The following HIPK2 variants were observed in gnomAD, a reference collection of about 807,000 sequenced individuals.
HIPK2 encodes the protein homeodomain interacting protein kinase 2.
A neutral mutation model predicts 113.7 loss-of-function variants in HIPK2; 27 were observed. The observed-to-expected ratio is 0.24, with a 90% CI of 0.17 to 0.33. The LOEUF is 0.33. HIPK2 is among the 10% of genes least tolerant of loss of function. The pLI is 1.00. For synonymous variants in HIPK2, 631 were observed against 642.2 expected (o/e 0.98, Z 0.26); for missense variants, 1,257 against 1,588.0 (o/e 0.79, Z 3.54).
At chr7:139,732,078 T>C (rs138592071) in intron 1 of HIPK2, among the ~76,000 whole-genome samples, 1 of 152,162 alleles carries the variant, frequency 6.6e-6, no homozygotes, top group Admixed American at 6.5e-5. Flanking sequence ...AGAAGGCAAG[T>C]GAAATTATAT....
At chr7:139,598,520 A>G (rs1799303440) in intron 11 of HIPK2, among the ~76,000 whole-genome samples, 1 of 152,256 alleles carries the variant, frequency 6.6e-6, no homozygotes, top group Non-Finnish European at 1.5e-5. Flanking sequence ...ATTGTTAAGG[A>G]AAAGTATGCC....
At chr7:139,745,471 C>T (rs186512676) in intron 1 of HIPK2, among the ~76,000 whole-genome samples, 47 of 152,308 alleles carry the variant, frequency 3.1e-4, no homozygotes, top group South Asian at 6.2e-4. Context: ...GAAGCTGAAG[C>T]CGGATTATTT....
chr7:139,623,578 A>T (rs905068640), intron 6 of HIPK2, among the ~76,000 whole-genome samples: 12 of 151,558 alleles, frequency 7.9e-5, no homozygotes, highest in African/African-American at 2.7e-4. Context: ...TAGGGGAGGG[A>T]TGGGTCCAGA....
intron 2 of HIPK2, among the ~76,000 whole-genome samples, chr7:139,633,574 G>A (rs1343631641): frequency 6.6e-6 from 1 of 151,824 alleles, no homozygotes; most frequent in Non-Finnish European, 1.5e-5. Flanking sequence ...CACTTTGGGA[G>A]GGTGAGATGG....
intron 12 of HIPK2, among the ~76,000 whole-genome samples, chr7:139,590,376 T>C (rs975918260): frequency 1.3e-5 from 2 of 152,100 alleles, no homozygotes; most frequent in South Asian, 4.1e-4. Flanking sequence ...AGTAAAGAAA[T>C]CCCTAAAGGA....
In HIPK2 at chr7:139,630,257, T is replaced by G. The variant is rs897027354; in HGVS notation, c.1347+908A>C. Among the ~76,000 whole-genome samples, 8 of 152,176 alleles carry G rather than the reference T, an allele frequency of 5.3e-5. No homozygotes were observed. The highest frequency in any genetic ancestry group is 1.0e-4 in the Non-Finnish European group (7 of 68,018). ...CCGGAGTTTCAGGTTTATGGTTACT[T>G]GTGTGAACCAGACACCTCCCTGGGC... On this transcript the variant is annotated intron_variant, in intron 4 of 14. Coordinates refer to ENST00000406875, the MANE Select transcript of HIPK2 (RefSeq NM_022740.5). This position sits in a 1 kb window ranked among gnomAD's most constrained non-coding sequence, Gnocchi z 4.0.
chr7:139,596,688 C>T (rs779527820), intron 12 of HIPK2, 29 bp downstream of exon 12: 1 of 1,601,746 alleles, frequency 6.2e-7, no homozygotes, highest in South Asian at 1.1e-5. Flanking sequence ...CCGGCTCCTT[C>T]CTGGAAGGCT....
chr7:139,608,186 G>A (rs1280578628), intron 9 of HIPK2, among the ~76,000 whole-genome samples: 2 of 151,848 alleles, frequency 1.3e-5, no homozygotes, highest in Non-Finnish European at 2.9e-5. Context: ...GGAGGTTACA[G>A]TGAGCTGAGA....
In HIPK2 at chr7:139,567,058, A is replaced by G. The variant is rs1798114335; in HGVS notation, c.*5869T>C. ...TCCCTCTAGTGAGCCACGGTGCCAA[A>G]AGCCTCCAATAGGTTTTTTTTGCAT... is the stretch of plus-strand genomic sequence containing the variant. On this transcript the variant is annotated 3_prime_UTR_variant, in exon 15 of 15. Coordinates refer to ENST00000406875, the MANE Select transcript of HIPK2 (RefSeq NM_022740.5). 1 of 152,202 alleles carries G rather than the reference A, an allele frequency of 6.6e-6. No homozygotes were observed. The highest frequency in any genetic ancestry group is 1.5e-5 in the Non-Finnish European group (1 of 68,052). The allele number at this position is 152,202 out of a possible 1,614,324, so 9.4% of individuals were successfully genotyped here.
chr7:139,660,729 C>T (rs948781600), intron 2 of HIPK2, among the ~76,000 whole-genome samples: 2 of 152,200 alleles, frequency 1.3e-5, no homozygotes, highest in Admixed American at 1.3e-4. Flanking sequence ...TGGGAGGCAC[C>T]TCTCACAGAG....
intron 12 of HIPK2, among the ~76,000 whole-genome samples, chr7:139,589,518 G>A (rs375028633): frequency 6.6e-6 from 1 of 152,148 alleles, no homozygotes; most frequent in South Asian, 2.1e-4. Flanking sequence ...ACTCAAATGT[G>A]GAAATTGTGG....
chr7:139,772,222 C>G (rs986329864), intron 1 of HIPK2, among the ~76,000 whole-genome samples: 1 of 152,070 alleles, frequency 6.6e-6, no homozygotes, highest in African/African-American at 2.4e-5. Flanking sequence ...GATCTATATC[C>G]CCACCACCAA....
At chr7:139,698,637 A>C (rs1434291108) in intron 2 of HIPK2, among the ~76,000 whole-genome samples, 4 of 152,230 alleles carry the variant, frequency 2.6e-5, no homozygotes, top group African/African-American at 9.6e-5. Flanking sequence ...AAAAATCCTG[A>C]AATGATTTTC....
At chr7:139,693,478 G>A (rs1270807227) in intron 2 of HIPK2, among the ~76,000 whole-genome samples, 1 of 152,146 alleles carries the variant, frequency 6.6e-6, no homozygotes, top group Non-Finnish European at 1.5e-5. Context: ...GTGTCTGGGG[G>A]TCAGACACAC....
Position 139,614,385 on chromosome 7 carries a change from C to T in HIPK2, c.1891G>A (p.Ala631Thr). The change falls in exon 8 of 15, where the codon GCC becomes ACC. Residue 631 changes from alanine (A) to threonine (T), a missense_variant. Transcript: ENST00000406875. ...GTCTGCAGGGGCATGCTCCGCTGGG[C>T]CACTGCAGCCATGGATGCCGCTGAG... is the stretch of plus-strand genomic sequence containing the variant. ...QPSAASMAAV[A>T]QRSMPLQTGT... 6 of 1,579,648 alleles carry T rather than the reference C, an allele frequency of 3.8e-6. No homozygotes were observed. Among genetic ancestry groups the T allele is most frequent in the Non-Finnish European group, 4.3e-6 (5 of 1,158,292 alleles).
At chr7:139,674,579 C>T (rs1268884636) in intron 2 of HIPK2, among the ~76,000 whole-genome samples, 1 of 152,144 alleles carries the variant, frequency 6.6e-6, no homozygotes, top group Non-Finnish European at 1.5e-5. Flanking sequence ...GAACAGATTC[C>T]AGGCAGCATG....
intron 2 of HIPK2, among the ~76,000 whole-genome samples, chr7:139,715,600 G>T (rs113037547): frequency 2.0e-5 from 3 of 152,154 alleles, no homozygotes; most frequent in African/African-American, 7.2e-5. Context: ...GTGTGACTGC[G>T]GACTGTGGAT....
chr7:139,702,403 C>CGGG (rs1173456700), intron 2 of HIPK2, among the ~76,000 whole-genome samples: 1 of 152,216 alleles, frequency 6.6e-6, no homozygotes, highest in African/African-American at 2.4e-5. Flanking sequence ...AGCCCAGTCA[C>CGGG]GGGGGTGCAT....
chr7:139,776,229 C>T (rs969772221), intron 1 of HIPK2, among the ~76,000 whole-genome samples: 1 of 152,058 alleles, frequency 6.6e-6, no homozygotes, highest in African/African-American at 2.4e-5. Context: ...AAGAGGAAAG[C>T]CCCTGGAATA....
Sources: allele counts gnomAD v4.1 joint callset (sites outside exome capture counted in the v4.1 genomes callset), GRCh38; gene constraint gnomAD v4.1.1; non-coding constraint Gnocchi (gnomAD v3.1); transcripts MANE v1.5; gene names NCBI Gene and HGNC (gene_info 2026-07-23, HGNC 2026-07-21).